PSMA8: variants seen among roughly 807,000 people sequenced by gnomAD.
PSMA8 encodes proteasome 20S subunit alpha 8, also known as proteasome subunit alpha-type 8.
PSMA8 carries 18 observed loss-of-function variants against 32.4 expected under a neutral mutation model. The observed-to-expected ratio is 0.56, with a 90% CI of 0.38 to 0.82. PSMA8 has a LOEUF of 0.82. PSMA8 is among the 40% of genes least tolerant of loss of function. The pLI is 0.00. For missense variants in PSMA8, 298 were observed against 300.7 expected, an observed-to-expected ratio of 0.99 and a Z score of 0.07; for synonymous variants, 104 against 98.1, an observed-to-expected ratio of 1.06 and a Z score of -0.36.
chr18:26,170,395 T>C (rs2144329186), intron 4 of PSMA8, among the ~76,000 whole-genome samples: 1 of 131,518 alleles, frequency 7.6e-6, no homozygotes, highest in South Asian at 2.2e-4. Context: ...TTGAAGGGTA[T>C]GTGGATCTTC....
intron 4 of PSMA8, among the ~76,000 whole-genome samples, chr18:26,165,617 C>T (rs995867883): frequency 2.0e-5 from 3 of 151,916 alleles, no homozygotes; most frequent in African/African-American, 7.3e-5. Context: ...CATTCAACAA[C>T]AGTATTAAGC....
chr18:26,178,124 A>G (rs751379128), intron 4 of PSMA8, among the ~76,000 whole-genome samples: 3 of 152,142 alleles, frequency 2.0e-5, no homozygotes, highest in Non-Finnish European at 4.4e-5. Flanking sequence ...AGTCTGAGGT[A>G]GGAAGATACC....
At chr18:26,144,743 T>A in intron 2 of PSMA8, 58 bp downstream of exon 2, 5 of 1,503,820 alleles carry the variant, frequency 3.3e-6, no homozygotes, top group Non-Finnish European at 4.6e-6. Flanking sequence ...GGCAACACAG[T>A]TAACCTCAGT....
At chr18:26,178,089 G>A (rs752362) in intron 4 of PSMA8, among the ~76,000 whole-genome samples, 7,938 of 152,076 alleles carry the variant, frequency 0.052, 235 homozygotes, top group African/African-American at 0.07. Flanking sequence ...GTGGTGCCAC[G>A]TACCAATAGT....
At chr18:26,160,784 A>G (rs2055129223) in intron 4 of PSMA8, among the ~76,000 whole-genome samples, 1 of 152,252 alleles carries the variant, frequency 6.6e-6, no homozygotes, top group Non-Finnish European at 1.5e-5. Flanking sequence ...TGTTGCAGAA[A>G]TGAGAATAGA....
intron 4 of PSMA8, among the ~76,000 whole-genome samples, chr18:26,164,338 G>T (rs1262185766): frequency 1.3e-5 from 2 of 152,158 alleles, no homozygotes; most frequent in African/African-American, 2.4e-5. Context: ...TCATTAAGGG[G>T]TGCCAAAACC....
chr18:26,151,504 A>G (rs569955212), intron 2 of PSMA8, among the ~76,000 whole-genome samples: 7 of 152,372 alleles, frequency 4.6e-5, no homozygotes, highest in Middle Eastern at 3.4e-3. Flanking sequence ...CAAAAAACTG[A>G]GAAGTGACAT....
At chr18:26,192,206 A>G (rs2055409400) in intron 6 of PSMA8, 113 bp from the exon 7 acceptor site, 2 of 957,008 alleles carry the variant, frequency 2.1e-6, no homozygotes, top group East Asian at 3.5e-5. Context: ...GTTACAAAAT[A>G]TAAAGTTGTA....
At chr18:26,134,723 G>T (rs553526604) in intron 1 of PSMA8, among the ~76,000 whole-genome samples, 1 of 152,290 alleles carries the variant, frequency 6.6e-6, no homozygotes, top group Non-Finnish European at 1.5e-5. Context: ...GGAAGGCCCA[G>T]GAGGGCGGAT....
intron 4 of PSMA8, among the ~76,000 whole-genome samples, chr18:26,158,674 T>C (rs2055110450): frequency 6.6e-6 from 1 of 152,198 alleles, no homozygotes; most frequent in Non-Finnish European, 1.5e-5. Context: ...TATGAATCTA[T>C]ACTCATGTGC....
chr18:26,183,584 C>G (rs1158739917), intron 6 of PSMA8, among the ~76,000 whole-genome samples: 1 of 150,590 alleles, frequency 6.6e-6, no homozygotes, highest in Admixed American at 6.6e-5. Flanking sequence ...TTGCTGCAAT[C>G]TTGTGATAAA....
intron 2 of PSMA8, among the ~76,000 whole-genome samples, chr18:26,149,454 T>G (rs1264521091): frequency 6.6e-6 from 1 of 152,224 alleles, no homozygotes; most frequent in African/African-American, 2.4e-5. Flanking sequence ...AATTATGACA[T>G]TCATATGGAA....
chr18:26,192,253 TC>T, intron 6 of PSMA8, 65 bp from the exon 7 acceptor site: 1 of 1,151,174 alleles, frequency 8.7e-7, no homozygotes. Context: ...TTGGAATTCT[TC>T]ATATTGTATT....
At chr18:26,190,970 T>G (rs2055397899) in intron 6 of PSMA8, among the ~76,000 whole-genome samples, 1 of 152,202 alleles carries the variant, frequency 6.6e-6, no homozygotes, top group Non-Finnish European at 1.5e-5. Context: ...GTAAATTCAT[T>G]TCATAAAACG....
At chr18:26,140,700 T>C (rs1157503732) in intron 1 of PSMA8, among the ~76,000 whole-genome samples, 1 of 152,214 alleles carries the variant, frequency 6.6e-6, no homozygotes. Context: ...TTTGCCAGAC[T>C]TTAACATCAT....
At chr18:26,176,200 T>G (rs966021921) in intron 4 of PSMA8, among the ~76,000 whole-genome samples, 28 of 151,778 alleles carry the variant, frequency 1.8e-4, no homozygotes, top group Non-Finnish European at 1.5e-5. Flanking sequence ...TGGGTAAGAG[T>G]TAAAGATTTT....
At chr18:26,152,129 T>A (rs192240781) in intron 3 of PSMA8, 147 bp downstream of exon 3, 25 of 498,490 alleles carry the variant, frequency 5.0e-5, no homozygotes, top group Admixed American at 4.1e-4. Context: ...TATATTCATA[T>A]TTTTATTCCA....
intron 2 of PSMA8, among the ~76,000 whole-genome samples, chr18:26,150,974 A>G (rs1237009828): frequency 6.6e-6 from 1 of 152,232 alleles, no homozygotes; most frequent in African/African-American, 2.4e-5. Flanking sequence ...TCTTTCTCAT[A>G]GATAACATTT....
At chr18:26,162,177 ATC>A (rs967740467) in intron 4 of PSMA8, among the ~76,000 whole-genome samples, 2 of 152,128 alleles carry the variant, frequency 1.3e-5, no homozygotes, top group African/African-American at 4.8e-5. Context: ...AACATTTAAA[ATC>A]TACTCTCTTT....
Sources: gnomAD v4.1 joint callset for allele counts (sites outside exome capture counted in the v4.1 genomes callset) on GRCh38, gnomAD v4.1.1 for gene constraint, MANE v1.5 for transcripts, NCBI Gene and HGNC (gene_info 2026-07-23, HGNC 2026-07-21) for gene names.